The following PRKAA2 variants were observed in gnomAD, a reference collection of about 807,000 sequenced individuals.
The protein encoded by PRKAA2 is 5'-AMP-activated protein kinase catalytic subunit alpha-2.
In PRKAA2, 40 loss-of-function variants were observed where a neutral mutation model predicts 56.3. The observed-to-expected ratio is 0.71, with a 90% CI of 0.55 to 0.92. The LOEUF is 0.92. Ranked by LOEUF, PRKAA2 falls within the 40% of genes least tolerant of loss-of-function variation. PRKAA2 has a pLI of 0.00. For missense variants in PRKAA2, 542 were observed against 686.9 expected, an observed-to-expected ratio of 0.79 and a Z score of 2.36; for synonymous variants, 214 against 234.2, an observed-to-expected ratio of 0.91 and a Z score of 0.79.
In PRKAA2 at chr1:56,655,280, A is replaced by ATATATATATATATTT; in HGVS notation, c.94+9800_94+9801insATATATATATATTTT. Reference sequence around the variant, plus strand: ...TGTATTTATATATCTATATATATATATTTTTTTTTTTTTTTTGTAGAGACA... The same window carrying ATATATATATATATTT: ...TGTATTTATATATCTATATATATATATATATATATATATTTTTTTTTTTTTTTTTTTGTAGAGACA... On this transcript the variant is annotated intron_variant, in intron 1 of 8. Transcript: ENST00000371244. 6.2e-3 allele frequency among the ~76,000 whole-genome samples: 579 copies of ATATATATATATATTT among 93,536 alleles called. 15 individuals are homozygous for ATATATATATATATTT. The highest frequency in any genetic ancestry group is 0.024 in the African/African-American group (523 of 21,944). 61.4% of individuals were successfully genotyped at this position (93,536 alleles called of 152,430 possible). A position where few individuals can be genotyped will look rare whatever the true frequency, so the allele number is the denominator to read the frequency against.
At chr1:56,697,805 T>A (rs979517094) in intron 6 of PRKAA2, among the ~76,000 whole-genome samples, 4 of 147,666 alleles carry the variant, frequency 2.7e-5, no homozygotes, top group South Asian at 2.2e-4. Flanking sequence ...TATATTAAAA[T>A]TTTTTTTTTA....
In PRKAA2 at chr1:56,703,992, A is replaced by G. The variant is rs1220741951; in HGVS notation, c.810A>G (p.Gln270=). 1.2e-6 allele frequency: 2 copies of G among 1,609,832 alleles called. No homozygotes were observed. Among genetic ancestry groups the G allele is most frequent in the East Asian group, 4.5e-5 (2 of 44,892 alleles). Residue 270 remains glutamine, a synonymous_variant, in exon 7 of 9, where the codon CAA becomes CAG. Transcript: ENST00000371244. ...KDIREHEWFK[Q]DLPSYLFPED... is the part of the protein sequence containing the mutation. ...CTAGAGAGCATGAATGGTTTAAACA[A>G]GATTTGCCCAGTTACTTATTTCCTG...
At chr1:56,692,028 ATT>A (rs397863487) in intron 3 of PRKAA2, among the ~76,000 whole-genome samples, 58 of 112,790 alleles carry the variant, frequency 5.1e-4, no homozygotes, top group African/African-American at 1.8e-3. Context: ...GATGTCTCAG[ATT>A]TTTTTTTTTT....
chr1:56,672,304 A>G lies in PRKAA2; in HGVS notation c.95-2077A>G, dbSNP rs1394971524. Among the ~76,000 whole-genome samples the G allele has an allele frequency of 2.0e-5, 3 of 152,006 alleles. No homozygotes were observed. In the East Asian group the frequency reaches 5.8e-4, roughly 29 times the overall value. On this transcript the variant is annotated intron_variant, in intron 1 of 8. Coordinates refer to ENST00000371244, the MANE Select transcript of PRKAA2 (RefSeq NM_006252.4). ...AGCTAATTTTTTATTTTTAGTAGAG[A>G]TGGGGTTTTGCCATGTTGCCCAGGC...
At chr1:56,676,697 A>G (rs1036667510) in intron 2 of PRKAA2, among the ~76,000 whole-genome samples, 1 of 152,204 alleles carries the variant, frequency 6.6e-6, no homozygotes, top group African/African-American at 2.4e-5. Context: ...GAGATTTGGA[A>G]CATTCATTTA....
chr1:56,697,666 T>C (rs1432794379), intron 6 of PRKAA2, among the ~76,000 whole-genome samples: 2 of 152,146 alleles, frequency 1.3e-5, no homozygotes, highest in African/African-American at 4.8e-5. Flanking sequence ...AGCATATACA[T>C]TTAGAATAGT....
rs576135068 is a variant in PRKAA2 at position 56,694,064 on chromosome 1, CA to C, written c.563+213del. On this transcript the variant is annotated intron_variant, in intron 5 of 8. Coordinates refer to ENST00000371244, the MANE Select transcript of PRKAA2 (RefSeq NM_006252.4). ...ATAAATATACTTACGAAGTTTTCCC[CA>C]TTAGAAAAATAACTGAAGTAGATCC... Among the ~76,000 whole-genome samples, 24 of 152,190 alleles carry C rather than the reference CA, an allele frequency of 1.6e-4. No homozygotes were observed. In the East Asian group the frequency reaches 4.4e-3, roughly 28 times the overall value.
intron 7 of PRKAA2, among the ~76,000 whole-genome samples, chr1:56,704,679 G>T (rs1320239255): frequency 6.6e-6 from 1 of 150,994 alleles, no homozygotes; most frequent in Non-Finnish European, 1.5e-5. Context: ...AAGTGTTCTT[G>T]GTCAAGAAAA....
Position 56,704,187 on chromosome 1 carries a change from C to A in PRKAA2, c.1005C>A (p.Asn335Lys). The A allele has an allele frequency of 2.5e-6, 4 of 1,614,130 alleles. No homozygotes were observed. Among genetic ancestry groups the A allele is most frequent in the Non-Finnish European group, 3.4e-6 (4 of 1,180,030 alleles). Residue 335 changes from asparagine to lysine, a missense_variant, in exon 7 of 9, where the codon AAC (asparagine) becomes AAA (lysine). Asn to Lys is a moderately conservative substitution (Grantham distance 94). This residue lies in a region of PRKAA2 where 198 missense variants were observed against 234.0 expected (regional missense o/e 0.85). Transcript: ENST00000371244. Reference sequence around the variant, plus strand: ...TCATTGACAATCGGAGAATAATGAACCAAGCCAGTGAGTTCTACCTCGCCT... The same window carrying A: ...TCATTGACAATCGGAGAATAATGAAACAAGCCAGTGAGTTCTACCTCGCCT... ...HLIIDNRRIM[N>K]QASEFYLASS... is the part of the protein sequence containing the mutation.
chr1:56,693,506 T>G (rs977587811), intron 4 of PRKAA2, among the ~76,000 whole-genome samples: 6 of 152,154 alleles, frequency 3.9e-5, no homozygotes, highest in Non-Finnish European at 7.4e-5. Flanking sequence ...ATAACCTCAT[T>G]TGTGATGGGA....
Position 56,709,639 on chromosome 1 carries a change from A to C in PRKAA2, c.*1926A>C, listed in dbSNP as rs890034410. On this transcript the variant is annotated 3_prime_UTR_variant, in exon 9 of 9. Coordinates refer to ENST00000371244, the MANE Select transcript of PRKAA2 (RefSeq NM_006252.4). The stretch of plus-strand genomic sequence containing the variant: ...AGGGCCACCTCATAATATTTGCCTG[A>C]TTATGAATGGAATTACCTTAGAAAT... The C allele has an allele frequency of 6.6e-6, 1 of 152,134 alleles. No individual in the cohort carries two copies. Among genetic ancestry groups the C allele is most frequent in the African/African-American group, 2.4e-5 (1 of 41,464 alleles). The allele number at this position is 152,134 out of a possible 1,614,324, so 9.4% of individuals were successfully genotyped here. A position where few individuals can be genotyped will look rare whatever the true frequency, so the allele number is the denominator to read the frequency against.
At chr1:56,703,852 G>T (rs544803509) in intron 6 of PRKAA2, 119 bp from the exon 7 acceptor site, 3 of 1,124,676 alleles carry the variant, frequency 2.7e-6, no homozygotes, top group Non-Finnish European at 1.3e-6. Flanking sequence ...CTAGTAAGTG[G>T]CAGAGCTAGG....
At chr1:56,697,580 T>C (rs1484743479) in intron 6 of PRKAA2, among the ~76,000 whole-genome samples, 1 of 152,170 alleles carries the variant, frequency 6.6e-6, no homozygotes. Flanking sequence ...TTTATAGTTC[T>C]TTAGCATATA....
chr1:56,651,459 A>G (rs1643897310), intron 1 of PRKAA2, among the ~76,000 whole-genome samples: 1 of 152,294 alleles, frequency 6.6e-6, no homozygotes, highest in South Asian at 2.1e-4. Context: ...ACTTGTCCAA[A>G]GTTCCAGTGC....
chr1:56,677,539 C>T (rs538155846), intron 2 of PRKAA2, among the ~76,000 whole-genome samples: 1 of 152,266 alleles, frequency 6.6e-6, no homozygotes, highest in Admixed American at 6.5e-5. Context: ...AAATTTTACC[C>T]GTTTGGGTAT....
intron 2 of PRKAA2, among the ~76,000 whole-genome samples, chr1:56,690,420 C>T (rs1157397379): frequency 6.6e-6 from 1 of 152,134 alleles, no homozygotes; most frequent in Non-Finnish European, 1.5e-5. Context: ...CTGTCCGCCT[C>T]GGCCTCCCAA....
At chr1:56,677,948 C>CGT (rs1275388803) in intron 2 of PRKAA2, among the ~76,000 whole-genome samples, 24 of 152,258 alleles carry the variant, frequency 1.6e-4, no homozygotes, top group Admixed American at 1.6e-3. Flanking sequence ...TGAGCCACTG[C>CGT]GCCCAGGCCC....
chr1:56,696,667 G>A (rs1644260935), intron 6 of PRKAA2, among the ~76,000 whole-genome samples: 1 of 152,032 alleles, frequency 6.6e-6, no homozygotes, highest in African/African-American at 2.4e-5. Flanking sequence ...GGAGAAATAG[G>A]GTGAGATTTT....
Position 56,648,595 on chromosome 1 carries a change from G to A in PRKAA2, c.94+3114G>A, listed in dbSNP as rs139251960. Among the ~76,000 whole-genome samples, 657 of 152,266 alleles carry A rather than the reference G, an allele frequency of 4.3e-3. 10 individuals are homozygous for A. The highest frequency in any genetic ancestry group is 0.015 in the African/African-American group (620 of 41,566). On this transcript the variant is annotated intron_variant, in intron 1 of 8. Coordinates refer to ENST00000371244, the MANE Select transcript of PRKAA2 (RefSeq NM_006252.4). ...AGAAGTAGAATTGCTGGGTCATATC[G>A]TAGTTTTATGTTTTACTTTTTGAGA...
Sources: allele counts gnomAD v4.1 joint callset (sites outside exome capture counted in the v4.1 genomes callset), GRCh38; gene constraint gnomAD v4.1.1; regional missense constraint gnomAD v4.1.1; transcripts MANE v1.5; gene names NCBI Gene and HGNC (gene_info 2026-07-23, HGNC 2026-07-21).